KDM3B: variants seen among roughly 807,000 people sequenced by gnomAD.
KDM3B encodes lysine-specific demethylase 3B.
Under a neutral mutation model 170.0 loss-of-function variants are expected in KDM3B, and 10 were observed. The observed-to-expected ratio is 0.06, with a 90% CI of 0.04 to 0.10. KDM3B has a LOEUF of 0.10. Ranked by LOEUF, KDM3B falls within the 10% of genes least tolerant of loss-of-function variation. KDM3B has a pLI of 1.00. For missense variants in KDM3B, 1,394 were observed against 2,195.2 expected (o/e 0.64, Z 7.29); for synonymous variants, 831 against 834.8 (o/e 1.00, Z 0.08).
chr5:138,430,001 T>A (rs769549375), intron 21 of KDM3B, 36 bp downstream of exon 21: 1 of 1,608,126 alleles, frequency 6.2e-7, no homozygotes, highest in South Asian at 1.1e-5. Flanking sequence ...CCAGCTCACA[T>A]ATCAAGAGTC....
chr5:138,353,443 G>C (rs1181273006), intron 1 of KDM3B, among the ~76,000 whole-genome samples: 7 of 152,232 alleles, frequency 4.6e-5, no homozygotes, highest in Non-Finnish European at 1.0e-4. Context: ...GGGCGGGAAT[G>C]TGGGCAGTTA....
intron 15 of KDM3B, 96 bp from the exon 16 acceptor site, chr5:138,423,979 T>G: frequency 7.9e-7 from 1 of 1,271,502 alleles, no homozygotes; most frequent in Non-Finnish European, 1.1e-6. Context: ...ATCAGACAGG[T>G]CAGAACTCCT....
intron 7 of KDM3B, among the ~76,000 whole-genome samples, chr5:138,388,610 C>T (rs1386653200): frequency 7.0e-6 from 1 of 143,884 alleles, no homozygotes; most frequent in Non-Finnish European, 1.5e-5. Flanking sequence ...CACTGCACTC[C>T]AGCCTGGGCA....
intron 7 of KDM3B, among the ~76,000 whole-genome samples, chr5:138,390,007 G>A (rs990080234): frequency 2.0e-5 from 3 of 151,778 alleles, no homozygotes; most frequent in African/African-American, 7.3e-5. Context: ...CTACAGGCAC[G>A]TGCCACCATG....
rs551330545 is a variant in KDM3B, at chr5:138,431,912, CA to C, written c.5205+366del. Among the ~76,000 whole-genome samples the C allele has an allele frequency of 6.8e-3, 791 of 115,896 alleles. 9 individuals carry two copies. Among genetic ancestry groups the C allele is most frequent in the Middle Eastern group, 0.014 (3 of 216 alleles). 76.0% of individuals were successfully genotyped at this position (115,896 alleles called of 152,430 possible). On this transcript the variant is annotated intron_variant, in intron 23 of 23. Transcript: ENST00000314358. The stretch of plus-strand genomic sequence containing the variant: ...GGGCAACAGAGCAAGACTCCCATCT[CA>C]AAAAAAAAAAAACAAAAAACAGTTT...
intron 3 of KDM3B, among the ~76,000 whole-genome samples, chr5:138,376,920 TTTATTTTTCAC>T (rs1762014527): frequency 6.6e-6 from 1 of 152,162 alleles, no homozygotes; most frequent in African/African-American, 2.4e-5. Flanking sequence ...GGGAAATGTA[TTTATTTTTCAC>T]TTGTAAGGGT....
chr5:138,427,889 A>G (rs1234762768), intron 19 of KDM3B, 78 bp from the exon 20 acceptor site: 2 of 1,357,236 alleles, frequency 1.5e-6, no homozygotes, highest in South Asian at 1.3e-5. Flanking sequence ...ACCCTTGAGC[A>G]TGTTTTCAGA....
At chr5:138,417,448 C>G in intron 12 of KDM3B, 35 bp from the exon 13 acceptor site, 1 of 1,606,054 alleles carries the variant, frequency 6.2e-7, no homozygotes, top group South Asian at 1.1e-5. Flanking sequence ...TATGAGTATT[C>G]TGGTGTTATT....
In KDM3B at chr5:138,398,217, G is replaced by T; in HGVS notation, c.2871G>T (p.Gly957=). The T allele has an allele frequency of 6.2e-7, 1 of 1,614,048 alleles. No homozygotes were observed. Among genetic ancestry groups the T allele is most frequent in the Non-Finnish European group, 8.5e-7 (1 of 1,179,952 alleles). The change falls in exon 10 of 24, where the codon GGG becomes GGT. Residue 957 remains glycine (G), a synonymous_variant. Transcript: ENST00000314358. ...GAAAAGGGGTACTCCGTGTGGAGGG[G>T]TTTTTAAGCCCCCAGCAAAGTGACC... ...FTRKGVLRVE[G]FLSPQQSDPD...
chr5:138,380,610 C>T (rs1762103662), intron 5 of KDM3B, among the ~76,000 whole-genome samples: 1 of 151,842 alleles, frequency 6.6e-6, no homozygotes, highest in African/African-American at 2.4e-5. Flanking sequence ...TCACAGTGAA[C>T]ATCCTTGAAC....
chr5:138,374,828 G>T (rs1269154000), intron 2 of KDM3B, among the ~76,000 whole-genome samples: 1 of 152,078 alleles, frequency 6.6e-6, no homozygotes, highest in Non-Finnish European at 1.5e-5. Flanking sequence ...CTGATCCCTA[G>T]GCAGAATTAG....
intron 6 of KDM3B, among the ~76,000 whole-genome samples, chr5:138,382,223 G>A (rs918722394): frequency 2.6e-5 from 4 of 152,080 alleles, no homozygotes; most frequent in African/African-American, 2.4e-5. Context: ...CGAGGCAGGC[G>A]GATCACCTGA....
At chr5:138,412,115 C>T (rs891195459) in intron 11 of KDM3B, among the ~76,000 whole-genome samples, 2 of 151,114 alleles carry the variant, frequency 1.3e-5, no homozygotes, top group African/African-American at 2.4e-5. Context: ...GCAGGTGGAT[C>T]ACCTGAGGTC....
At chr5:138,429,775 G>A (rs1443870664) in intron 20 of KDM3B, 51 bp from the exon 21 acceptor site, 7 of 1,586,664 alleles carry the variant, frequency 4.4e-6, no homozygotes, top group Non-Finnish European at 5.2e-6. Context: ...ATTTCACTCA[G>A]TGGTACTGAA....
rs758347423 is a variant in KDM3B, at chr5:138,379,702, A to G, written c.699A>G (p.Val233=). 6.2e-7 allele frequency: 1 copy of G among 1,613,320 alleles called. No individual in the cohort carries two copies. The highest frequency in any genetic ancestry group is 8.5e-7 in the Non-Finnish European group (1 of 1,179,656). Residue 233 remains valine (V), a synonymous_variant, in exon 5 of 24, where the codon GTA becomes GTG. Coordinates refer to ENST00000314358, the MANE Select transcript of KDM3B (RefSeq NM_016604.4). The stretch of plus-strand genomic sequence containing the variant: ...TCACTCGTCTTATGGAGGTGTCTGT[A>G]ACTGAGGTGAGACTCTGTGTTATTC... ...DSITRLMEVS[V]TESGEIKSVD...
chr5:138,407,331 G>A (rs1407969917), intron 11 of KDM3B, among the ~76,000 whole-genome samples: 1 of 152,084 alleles, frequency 6.6e-6, no homozygotes, highest in Non-Finnish European at 1.5e-5. Flanking sequence ...CAAATTCCAT[G>A]AAAAACACAA....
intron 20 of KDM3B, 74 bp from the exon 21 acceptor site, chr5:138,429,752 A>T: frequency 6.6e-7 from 1 of 1,512,054 alleles, no homozygotes; most frequent in Non-Finnish European, 9.1e-7. Context: ...AATTTATTTA[A>T]ATTGGACATT....
Position 138,392,127 on chromosome 5 carries a change from C to G in KDM3B, c.2495C>G (p.Thr832Arg). 3 of 1,600,164 alleles carry G rather than the reference C, an allele frequency of 1.9e-6. No homozygotes were observed. Among genetic ancestry groups the G allele is most frequent in the African/African-American group, 1.3e-5 (1 of 74,820 alleles). Residue 832 changes from threonine (T) to arginine (R), a missense_variant, in exon 8 of 24, where the codon ACA becomes AGA. Physicochemically the swap from Thr to Arg is moderately conservative, Grantham distance 71 (BLOSUM62 -1). This residue lies in a region of KDM3B where 84 missense variants were observed against 135.8 expected (regional missense o/e 0.62). Coordinates refer to ENST00000314358, the MANE Select transcript of KDM3B (RefSeq NM_016604.4). ...SDSEEQLQAKTGLKGIPEHLM... is the reference protein window; with the variant it reads ...SDSEEQLQAKRGLKGIPEHLM... ...TCTGAGGAGCAGCTGCAGGCTAAGACAGGCCTGAAGGGAATTCCAGAGCAC... is the reference window on the plus strand; with the variant it reads ...TCTGAGGAGCAGCTGCAGGCTAAGAGAGGCCTGAAGGGAATTCCAGAGCAC...
Position 138,407,435 on chromosome 5 carries a change from TAGAG to T in KDM3B, c.3199+7430_3199+7433del, listed in dbSNP as rs1466268798. 2.0e-5 allele frequency among the ~76,000 whole-genome samples: 3 copies of T among 152,106 alleles called. No homozygotes were observed. In the South Asian group the frequency reaches 6.2e-4, roughly 32 times the overall value. On this transcript the variant is annotated intron_variant, in intron 11 of 23. Coordinates refer to ENST00000314358, the MANE Select transcript of KDM3B (RefSeq NM_016604.4). ...CTCTTGGAAGCCCCCTCTCTCTCACTAGAGAGAGAGCTGATTTCCTTTCTTTATC... is the reference window on the plus strand; with the variant it reads ...CTCTTGGAAGCCCCCTCTCTCTCACTAGAGAGCTGATTTCCTTTCTTTATC...
Sources: allele counts gnomAD v4.1 joint callset (sites outside exome capture counted in the v4.1 genomes callset), GRCh38; gene constraint gnomAD v4.1.1; regional missense constraint gnomAD v4.1.1; transcripts MANE v1.5; gene names NCBI Gene and HGNC (gene_info 2026-07-23, HGNC 2026-07-21).